UBTD2: variants seen among roughly 807,000 people sequenced by gnomAD.
The protein encoded by UBTD2 is ubiquitin domain containing 2, also known as ubiquitin domain-containing protein 2.
Under a neutral mutation model 19.8 loss-of-function variants are expected in UBTD2, and 9 were observed. The observed-to-expected ratio is 0.46, with a 90% CI of 0.27 to 0.79. UBTD2 has a LOEUF of 0.79. Among genes scored for constraint, UBTD2 ranks in the 30% least tolerant of loss-of-function variants. UBTD2 has a pLI of 0.14. For missense variants in UBTD2, 250 were observed against 300.4 expected (o/e 0.83, Z 1.24); for synonymous variants, 98 against 103.9 (o/e 0.94, Z 0.35).
chr5:172,243,787 T>C (rs1298395194), intron 1 of UBTD2, among the ~76,000 whole-genome samples: 1 of 151,896 alleles, frequency 6.6e-6, no homozygotes, highest in Non-Finnish European at 1.5e-5. Flanking sequence ...GGTCTCGAAC[T>C]CCAGACCTCA....
At chr5:172,245,386 G>A (rs1386989429) in intron 1 of UBTD2, among the ~76,000 whole-genome samples, 2 of 152,118 alleles carry the variant, frequency 1.3e-5, no homozygotes, top group African/African-American at 4.8e-5. Context: ...ACTGACCCAA[G>A]TTCCACGTTC....
chr5:172,229,801 C>T (rs1018534171), intron 2 of UBTD2, among the ~76,000 whole-genome samples: 12 of 152,216 alleles, frequency 7.9e-5, no homozygotes, highest in East Asian at 1.9e-4. Flanking sequence ...CTATTCACTA[C>T]GCAGAAACTG....
intron 2 of UBTD2, among the ~76,000 whole-genome samples, chr5:172,222,910 G>A (rs554475566): frequency 1.3e-5 from 2 of 152,176 alleles, no homozygotes; most frequent in Admixed American, 6.5e-5. Flanking sequence ...TTATGCTACT[G>A]GATATTCTAG....
intron 1 of UBTD2, among the ~76,000 whole-genome samples, chr5:172,256,694 G>C (rs1314053449): frequency 6.6e-6 from 1 of 152,088 alleles, no homozygotes; most frequent in Non-Finnish European, 1.5e-5. Flanking sequence ...GCCAAGGCGG[G>C]CAGATCACCT....
intron 1 of UBTD2, among the ~76,000 whole-genome samples, chr5:172,234,929 G>C (rs1487568554): frequency 1.3e-5 from 2 of 152,052 alleles, no homozygotes; most frequent in Non-Finnish European, 2.9e-5. Context: ...CAAAACTAAA[G>C]AACCCCAGAG....
intron 1 of UBTD2, among the ~76,000 whole-genome samples, chr5:172,244,767 C>A (rs557803532): frequency 1.3e-5 from 2 of 152,132 alleles, no homozygotes; most frequent in African/African-American, 4.8e-5. Flanking sequence ...TTGCTCTAGT[C>A]CCTCAGGATG....
chr5:172,275,049 T>C (rs1223473440), intron 1 of UBTD2, among the ~76,000 whole-genome samples: 1 of 152,072 alleles, frequency 6.6e-6, no homozygotes, highest in Non-Finnish European at 1.5e-5. Context: ...AACAAAGAAC[T>C]GCCTGAGACT....
chr5:172,263,630 T>TA (rs1486998175), intron 1 of UBTD2, among the ~76,000 whole-genome samples: 1 of 151,898 alleles, frequency 6.6e-6, no homozygotes, highest in Non-Finnish European at 1.5e-5. Flanking sequence ...CCATCTCTAC[T>TA]AAAAATACAA....
chr5:172,237,162 C>T lies in UBTD2; in HGVS notation c.71-2804G>A, dbSNP rs548235752. Among the ~76,000 whole-genome samples, 18 of 152,206 alleles carry T rather than the reference C, an allele frequency of 1.2e-4. No homozygotes were observed. The East Asian group carries it at 3.3e-3, about 28-fold the overall frequency. ...AAGGCTGGAGTGCACTGGTGCAACC[C>T]GACTCACTGCAACCTCCGCCTCCTG... On this transcript the variant is annotated intron_variant, in intron 1 of 2. Transcript: ENST00000393792.
At chr5:172,274,763 A>G (rs1259742119) in intron 1 of UBTD2, among the ~76,000 whole-genome samples, 2 of 152,172 alleles carry the variant, frequency 1.3e-5, no homozygotes, top group East Asian at 3.9e-4. Flanking sequence ...GCCTGAGGCC[A>G]GGCGCGGTGG....
At chr5:172,250,631 T>C (rs555613965) in intron 1 of UBTD2, among the ~76,000 whole-genome samples, 2 of 152,238 alleles carry the variant, frequency 1.3e-5, no homozygotes, top group Non-Finnish European at 2.9e-5. Flanking sequence ...ATGGAGATAA[T>C]AGTGAATTGT....
chr5:172,227,454 A>T (rs1771792648), intron 2 of UBTD2, among the ~76,000 whole-genome samples: 1 of 152,110 alleles, frequency 6.6e-6, no homozygotes, highest in African/African-American at 2.4e-5. Context: ...AGTCCAGCAA[A>T]AATCCCATCT....
At chr5:172,262,171 C>T (rs563867040) in intron 1 of UBTD2, among the ~76,000 whole-genome samples, 4 of 152,040 alleles carry the variant, frequency 2.6e-5, no homozygotes, top group Admixed American at 6.6e-5. Context: ...AAAATGTGGT[C>T]GGGAGCGGTG....
At chr5:172,216,436 C>A (rs1771543193) in intron 2 of UBTD2, among the ~76,000 whole-genome samples, 1 of 149,948 alleles carries the variant, frequency 6.7e-6, no homozygotes, top group Non-Finnish European at 1.5e-5. Flanking sequence ...TTCAGGAAAT[C>A]AAAGATTAAA....
At chr5:172,246,493 G>T (rs1434559430) in intron 1 of UBTD2, among the ~76,000 whole-genome samples, 1 of 131,000 alleles carries the variant, frequency 7.6e-6, no homozygotes, top group Non-Finnish European at 1.5e-5. Context: ...CGCCCAGGCT[G>T]CAATGCAGTG....
intron 1 of UBTD2, among the ~76,000 whole-genome samples, chr5:172,261,087 T>C (rs1323919284): frequency 6.6e-6 from 1 of 152,190 alleles, no homozygotes; most frequent in East Asian, 1.9e-4. Context: ...GCTATGATAA[T>C]GAAACTCTGT....
intron 1 of UBTD2, among the ~76,000 whole-genome samples, chr5:172,239,313 G>A (rs569366293): frequency 6.6e-6 from 1 of 152,278 alleles, no homozygotes; most frequent in Admixed American, 6.5e-5. Flanking sequence ...CTCACTGGGT[G>A]CGGTGGCTCA....
At chr5:172,261,618 C>T (rs2113098286) in intron 1 of UBTD2, among the ~76,000 whole-genome samples, 1 of 152,092 alleles carries the variant, frequency 6.6e-6, no homozygotes, top group East Asian at 1.9e-4. Flanking sequence ...TGAAGGAAAC[C>T]ACTCACATAC....
intron 1 of UBTD2, among the ~76,000 whole-genome samples, chr5:172,276,364 T>G (rs1755602968): frequency 6.6e-6 from 1 of 152,208 alleles, no homozygotes; most frequent in African/African-American, 2.4e-5. Context: ...CTGTCCAGTT[T>G]CTCCATCATT....
Sources: gnomAD v4.1 joint callset for allele counts (sites outside exome capture counted in the v4.1 genomes callset) on GRCh38, gnomAD v4.1.1 for gene constraint, MANE v1.5 for transcripts, NCBI Gene and HGNC (gene_info 2026-07-23, HGNC 2026-07-21) for gene names.